Variants in TASP1 observed in about 807,000 individuals in gnomAD.
The protein encoded by TASP1 is taspase 1.
TASP1 carries 16 observed loss-of-function variants against 56.6 expected under a neutral mutation model. The observed-to-expected ratio is 0.28, with a 90% CI of 0.19 to 0.43. TASP1 has a LOEUF of 0.43. Ranked by LOEUF, TASP1 falls within the 20% of genes least tolerant of loss-of-function variation. The pLI is 1.00. For missense variants in TASP1, 393 were observed against 511.6 expected, an observed-to-expected ratio of 0.77 and a Z score of 2.24; for synonymous variants, 179 against 184.2, an observed-to-expected ratio of 0.97 and a Z score of 0.23.
At chr20:13,551,472 A>G (rs2045981300) in intron 8 of TASP1, among the ~76,000 whole-genome samples, 3 of 152,028 alleles carry the variant, frequency 2.0e-5, no homozygotes, top group Non-Finnish European at 4.4e-5. Context: ...AAGAGAAAGG[A>G]AAAAAAAGGC....
chr20:13,279,860 G>A, the TASP1 span: 1 of 1,613,932 alleles, frequency 6.2e-7, no homozygotes. Flanking sequence ...ACAGCCCCAG[G>A]CCACCGGACT....
At position 13,583,263 on chromosome 20, in the gene TASP1, T is replaced by G. The variant is rs1166581487; in HGVS notation, c.404-2282A>C. 5.3e-5 allele frequency among the ~76,000 whole-genome samples: 8 copies of G among 152,214 alleles called. No homozygotes were observed. In the East Asian group the frequency reaches 1.5e-3, roughly 29 times the overall value. The stretch of plus-strand genomic sequence containing the variant: ...ACCTCTGTGTGCCCACCTACCAGCC[T>G]GAGCTTGCCTCTGCCTCACAGGATT... On this transcript the variant is annotated intron_variant, in intron 5 of 13. Transcript: ENST00000337743.
the TASP1 span, among the ~76,000 whole-genome samples, chr20:13,212,728 G>A: frequency 2.0e-5 from 3 of 152,126 alleles, no homozygotes; most frequent in Admixed American, 2.0e-4. Flanking sequence ...GTAAATAAAG[G>A]AAAATCTCAA....
At chr20:13,588,118 A>G (rs1010240002) in intron 4 of TASP1, among the ~76,000 whole-genome samples, 1 of 152,096 alleles carries the variant, frequency 6.6e-6, no homozygotes, top group African/African-American at 2.4e-5. Context: ...ATTATAATTA[A>G]TGGTGAAAGA....
chr20:13,530,299 A>G (rs1390728490), intron 9 of TASP1, among the ~76,000 whole-genome samples: 2 of 152,204 alleles, frequency 1.3e-5, no homozygotes, highest in Non-Finnish European at 2.9e-5. Flanking sequence ...GATACTCTCA[A>G]TATGGTAGAC....
At chr20:13,495,668 T>C (rs974906301) in intron 10 of TASP1, among the ~76,000 whole-genome samples, 1 of 152,030 alleles carries the variant, frequency 6.6e-6, no homozygotes, top group Non-Finnish European at 1.5e-5. Flanking sequence ...AAATAGACAA[T>C]ATACAATTTG....
intron 10 of TASP1, among the ~76,000 whole-genome samples, chr20:13,511,468 C>G (rs2044323303): frequency 6.6e-6 from 1 of 152,098 alleles, no homozygotes; most frequent in Non-Finnish European, 1.5e-5. Flanking sequence ...TTAACTGCAA[C>G]CCAAAGCACC....
intron 11 of TASP1, among the ~76,000 whole-genome samples, chr20:13,478,868 T>C (rs2043035323): frequency 1.3e-5 from 2 of 152,166 alleles, no homozygotes. Context: ...TAAGCACTTA[T>C]ATGCAGTAAA....
chr20:13,516,671 T>C (rs919589274), intron 10 of TASP1, among the ~76,000 whole-genome samples: 1 of 151,628 alleles, frequency 6.6e-6, no homozygotes, highest in South Asian at 2.1e-4. Flanking sequence ...TTTTTTTTTT[T>C]TTTTTTTTAA....
chr20:13,404,601 T>A (rs2041850747), intron 13 of TASP1, among the ~76,000 whole-genome samples: 1 of 152,146 alleles, frequency 6.6e-6, no homozygotes, highest in Admixed American at 6.5e-5. Flanking sequence ...TGAGATCCTG[T>A]CTCTAAAGTA....
At chr20:13,630,288 A>G (rs1253916282) in intron 1 of TASP1, 136 bp from the exon 2 acceptor site, 1 of 497,998 alleles carries the variant, frequency 2.0e-6, no homozygotes, top group Non-Finnish European at 3.4e-6. Context: ...AAAGGTATCA[A>G]AGCTATTTAT....
At chr20:13,226,444 C>A in the TASP1 span, among the ~76,000 whole-genome samples, 1 of 152,002 alleles carries the variant, frequency 6.6e-6, no homozygotes, top group Non-Finnish European at 1.5e-5. Context: ...ACAATTGTTT[C>A]ACTTAGCTAT....
the TASP1 span, among the ~76,000 whole-genome samples, chr20:13,248,092 G>A: frequency 7.6e-4 from 116 of 152,286 alleles, no homozygotes; most frequent in African/African-American, 2.4e-3. Context: ...CCAAAAGTGC[G>A]GAAGAAATGA....
the TASP1 span, among the ~76,000 whole-genome samples, chr20:13,218,011 A>G: frequency 3.3e-5 from 5 of 152,108 alleles, no homozygotes; most frequent in African/African-American, 1.2e-4. Context: ...GCACTTTGGG[A>G]GGCCGAAGCG....
At chr20:13,582,288 T>C (rs942142464) in intron 5 of TASP1, among the ~76,000 whole-genome samples, 1 of 151,998 alleles carries the variant, frequency 6.6e-6, no homozygotes, top group Non-Finnish European at 1.5e-5. Context: ...TATAACTTTA[T>C]ATTGTTTACA....
At chr20:13,168,751 A>G in the TASP1 span, 1 of 152,220 alleles carries the variant, frequency 6.6e-6, no homozygotes, top group African/African-American at 2.4e-5. Context: ...TTGTAACAAC[A>G]GCAATTAAGA....
the TASP1 span, among the ~76,000 whole-genome samples, chr20:13,269,567 C>T: frequency 6.6e-6 from 1 of 152,194 alleles, no homozygotes; most frequent in Non-Finnish European, 1.5e-5. Context: ...AAGCTCATTC[C>T]CATCCTGGAC....
intron 13 of TASP1, among the ~76,000 whole-genome samples, chr20:13,394,304 T>A (rs2123593237): frequency 1.4e-5 from 1 of 73,512 alleles, no homozygotes; most frequent in East Asian, 3.8e-4. Flanking sequence ...CAGCACTCCC[T>A]CTCAAAAAAA....
the TASP1 span, among the ~76,000 whole-genome samples, chr20:13,128,073 A>T: frequency 6.6e-6 from 1 of 152,230 alleles, no homozygotes; most frequent in Non-Finnish European, 1.5e-5. Flanking sequence ...GAGAAAAACA[A>T]TATTTATGAG....
Sources: allele counts gnomAD v4.1 joint callset (sites outside exome capture counted in the v4.1 genomes callset), GRCh38; gene constraint gnomAD v4.1.1; transcripts MANE v1.5; gene names NCBI Gene and HGNC (gene_info 2026-07-23, HGNC 2026-07-21).